The following ACOXL variants were observed in gnomAD, a reference collection of about 807,000 sequenced individuals.
ACOXL encodes acyl-CoA oxidase like.
Under a neutral mutation model 71.9 loss-of-function variants are expected in ACOXL, and 70 were observed. That is an observed-to-expected ratio of 0.97 (90% CI 0.80 to 1.19). ACOXL has a LOEUF of 1.19. Ranked by LOEUF, ACOXL falls within the 50% of genes most tolerant of loss-of-function variation. The pLI, the probability that ACOXL is intolerant of heterozygous loss-of-function variation, is 0.00. For synonymous variants in ACOXL, 253 were observed against 281.6 expected, an observed-to-expected ratio of 0.90 and a Z score of 1.02; for missense variants, 703 against 736.3, an observed-to-expected ratio of 0.95 and a Z score of 0.52.
chr2:110,800,960 A>C (rs995692554), intron 7 of ACOXL, among the ~76,000 whole-genome samples: 14 of 152,176 alleles, frequency 9.2e-5, no homozygotes, highest in African/African-American at 2.9e-4. Flanking sequence ...GCTACATGCA[A>C]GTGTGTCCTT....
intron 15 of ACOXL, among the ~76,000 whole-genome samples, chr2:111,033,681 C>T (rs1004556706): frequency 6.6e-6 from 1 of 152,158 alleles, no homozygotes; most frequent in African/African-American, 2.4e-5. Context: ...ATTTGCCGAT[C>T]GGGTTGAAAC....
At chr2:110,967,569 G>T (rs2061987099) in intron 12 of ACOXL, among the ~76,000 whole-genome samples, 2 of 152,188 alleles carry the variant, frequency 1.3e-5, no homozygotes, top group African/African-American at 4.8e-5. Context: ...TCACTAGACT[G>T]TGATGAGATA....
chr2:110,865,336 A>T (rs1694447361), intron 10 of ACOXL, among the ~76,000 whole-genome samples: 1 of 152,206 alleles, frequency 6.6e-6, no homozygotes, highest in African/African-American at 2.4e-5. Context: ...GCCAGCCCTG[A>T]GAGCTGCCTC....
rs961277405 is a variant in ACOXL at position 110,902,827 on chromosome 2, G to C, written c.789-5962G>C. ...GGGCTGTGGACTCTGTGAGAGGTTGGAGGGTTTCTGTGGGAGCCACTGGGA... is the reference window on the plus strand; with the variant it reads ...GGGCTGTGGACTCTGTGAGAGGTTGCAGGGTTTCTGTGGGAGCCACTGGGA... On this transcript the variant is annotated intron_variant, in intron 10 of 17. Transcript: ENST00000439055. Among the ~76,000 whole-genome samples the C allele has an allele frequency of 2.0e-5, 3 of 152,318 alleles. No individual in the cohort carries two copies. In the South Asian group the frequency reaches 6.2e-4, roughly 32 times the overall value.
At chr2:111,006,963 A>G (rs1463649605) in intron 14 of ACOXL, among the ~76,000 whole-genome samples, 1 of 152,000 alleles carries the variant, frequency 6.6e-6, no homozygotes, top group Admixed American at 6.5e-5. Context: ...TTTCTCATAG[A>G]GAGCATCCTT....
intron 3 of ACOXL, among the ~76,000 whole-genome samples, chr2:110,792,076 C>T (rs1684719368): frequency 6.6e-6 from 1 of 152,212 alleles, no homozygotes; most frequent in Non-Finnish European, 1.5e-5. Context: ...TTCTCTTCCA[C>T]AGTAGCTTAG....
chr2:110,956,050 G>A (rs749296241), intron 12 of ACOXL, among the ~76,000 whole-genome samples: 8 of 150,062 alleles, frequency 5.3e-5, no homozygotes, highest in African/African-American at 9.8e-5. Context: ...GCAATTCTGC[G>A]TCAGCCTCCT....
At chr2:110,938,677 T>TTGAA (rs200189089) in intron 12 of ACOXL, among the ~76,000 whole-genome samples, 24 of 151,990 alleles carry the variant, frequency 1.6e-4, no homozygotes, top group South Asian at 4.2e-4. Context: ...TGCACAGACA[T>TTGAA]TGAATGAATG....
At chr2:110,822,464 A>G (rs1688731354) in intron 9 of ACOXL, among the ~76,000 whole-genome samples, 1 of 152,118 alleles carries the variant, frequency 6.6e-6, no homozygotes, top group African/African-American at 2.4e-5. Context: ...CCATGCAAAC[A>G]ACTTTATCAT....
chr2:110,884,764 A>T (rs1168530971), intron 10 of ACOXL, among the ~76,000 whole-genome samples: 1 of 152,150 alleles, frequency 6.6e-6, no homozygotes, highest in African/African-American at 2.4e-5. Flanking sequence ...CCATAATGAC[A>T]GATTTGGAGT....
At chr2:110,831,800 A>C (rs1317379200) in intron 9 of ACOXL, among the ~76,000 whole-genome samples, 2 of 152,214 alleles carry the variant, frequency 1.3e-5, no homozygotes, top group African/African-American at 4.8e-5. Flanking sequence ...GATTCTTTAC[A>C]AAGGTGGAAG....
chr2:110,963,956 G>A (rs2061818945), intron 12 of ACOXL, among the ~76,000 whole-genome samples: 1 of 152,140 alleles, frequency 6.6e-6, no homozygotes, highest in Non-Finnish European at 1.5e-5. Context: ...CTTCTACTAG[G>A]AAGGGTATTT....
At chr2:110,981,394 G>A (rs996933766) in intron 12 of ACOXL, among the ~76,000 whole-genome samples, 7 of 152,174 alleles carry the variant, frequency 4.6e-5, no homozygotes, top group African/African-American at 1.2e-4. Flanking sequence ...CAGCCCCACC[G>A]CTTCCTGGCT....
chr2:110,880,818 TAAC>T (rs1158022721), intron 10 of ACOXL, among the ~76,000 whole-genome samples: 1 of 152,120 alleles, frequency 6.6e-6, no homozygotes, highest in Non-Finnish European at 1.5e-5. Flanking sequence ...GTCTCAATGA[TAAC>T]AACAACAACA....
chr2:110,827,557 T>C (rs1573713834), intron 9 of ACOXL, among the ~76,000 whole-genome samples: 6 of 152,054 alleles, frequency 3.9e-5, no homozygotes, highest in Admixed American at 3.9e-4. Context: ...TCCCAGAGGG[T>C]TTCCAGTGGG....
intron 6 of ACOXL, 67 bp from the exon 7 acceptor site, chr2:110,798,947 A>G (rs1685607269): frequency 4.7e-6 from 7 of 1,492,244 alleles, no homozygotes; most frequent in South Asian, 3.4e-5. Context: ...GAAATGTTAT[A>G]CTATTCCAGG....
intron 16 of ACOXL, among the ~76,000 whole-genome samples, chr2:111,055,713 T>C (rs1163518092): frequency 6.6e-6 from 1 of 152,258 alleles, no homozygotes; most frequent in Non-Finnish European, 1.5e-5. Context: ...GGGGATTCTT[T>C]TCTGGGGTAT....
chr2:110,734,078 A>G (rs1412040983), intron 1 of ACOXL, among the ~76,000 whole-genome samples: 2 of 152,072 alleles, frequency 1.3e-5, no homozygotes, highest in East Asian at 1.9e-4. Context: ...ATTTGTAAAA[A>G]TATAGAACGA....
chr2:110,881,982 C>A (rs1022461618), intron 10 of ACOXL, among the ~76,000 whole-genome samples: 2 of 152,012 alleles, frequency 1.3e-5, no homozygotes, highest in Non-Finnish European at 2.9e-5. Flanking sequence ...TCTTTTCTCT[C>A]AGGCAAATAA....
Sources: gnomAD v4.1 joint callset for allele counts (sites outside exome capture counted in the v4.1 genomes callset) on GRCh38, gnomAD v4.1.1 for gene constraint, MANE v1.5 for transcripts, NCBI Gene and HGNC (gene_info 2026-07-23, HGNC 2026-07-21) for gene names.